Variants in LYN observed in about 807,000 individuals in gnomAD.
LYN encodes LYN proto-oncogene, Src family tyrosine kinase, also known as tyrosine-protein kinase Lyn.
In LYN, 12 loss-of-function variants were observed where a neutral mutation model predicts 65.0. The ratio of observed to expected loss-of-function variants is 0.18; its 90% confidence interval spans 0.12 to 0.30. The LOEUF (loss-of-function observed/expected upper bound fraction) is 0.30, where lower values mean the gene tolerates loss of function less well. Among genes scored for constraint, LYN ranks in the 10% least tolerant of loss-of-function variants. LYN has a pLI of 1.00. For synonymous variants in LYN, 222 were observed against 221.2 expected, an observed-to-expected ratio of 1.00 and a Z score of -0.03; for missense variants, 380 against 623.2, an observed-to-expected ratio of 0.61 and a Z score of 4.16.
chr8:55,903,215 ACTCCTCAC>A (rs1417695271), intron 1 of LYN, among the ~76,000 whole-genome samples: 1 of 151,328 alleles, frequency 6.6e-6, no homozygotes. Context: ...CTGGTCTCGA[ACTCCTCAC>A]CTCAAGTGAT....
chr8:55,913,236 AAT>A (rs1395748928), intron 1 of LYN, among the ~76,000 whole-genome samples: 1 of 152,200 alleles, frequency 6.6e-6, no homozygotes, highest in African/African-American at 2.4e-5. Context: ...TTGAAATATA[AAT>A]AGTTTTAAAG....
At chr8:55,881,064 T>A (rs559167699) in intron 1 of LYN, among the ~76,000 whole-genome samples, 4 of 152,232 alleles carry the variant, frequency 2.6e-5, no homozygotes, top group African/African-American at 4.8e-5. Context: ...AGTTTCTTCA[T>A]CTTTGAGAGA....
At chr8:55,999,608 A>C in intron 12 of LYN, 59 bp downstream of exon 12, 2 of 1,521,164 alleles carry the variant, frequency 1.3e-6, no homozygotes, top group South Asian at 1.1e-5. Context: ...GTCAGGTTGC[A>C]TGAAGGCATT....
chr8:55,928,751 A>G (rs971764889), intron 1 of LYN, among the ~76,000 whole-genome samples: 5 of 152,222 alleles, frequency 3.3e-5, no homozygotes, highest in African/African-American at 4.8e-5. Flanking sequence ...AGTTCAATTT[A>G]TAATTTTTTC....
At chr8:55,882,733 C>G (rs1336819241) in intron 1 of LYN, among the ~76,000 whole-genome samples, 3 of 152,154 alleles carry the variant, frequency 2.0e-5, no homozygotes, top group African/African-American at 7.2e-5. Flanking sequence ...TTCCTGAACT[C>G]TAATTTCATT....
At chr8:55,919,922 G>A (rs1563510834) in intron 1 of LYN, among the ~76,000 whole-genome samples, 1 of 151,208 alleles carries the variant, frequency 6.6e-6, no homozygotes, top group Non-Finnish European at 1.5e-5. Flanking sequence ...GGGAGTGGGG[G>A]TGGGAGCTTT....
intron 1 of LYN, among the ~76,000 whole-genome samples, chr8:55,927,266 T>C (rs1806133537): frequency 6.6e-6 from 1 of 152,184 alleles, no homozygotes. Flanking sequence ...TCCCGAAACC[T>C]CTGGCAACCA....
chr8:55,984,482 T>C (rs750347203), intron 10 of LYN, among the ~76,000 whole-genome samples: 1 of 152,240 alleles, frequency 6.6e-6, no homozygotes, highest in Non-Finnish European at 1.5e-5. Context: ...AGCTGTCAGA[T>C]CCCAACACTC....
At chr8:55,888,749 G>A (rs1396935276) in intron 1 of LYN, among the ~76,000 whole-genome samples, 1 of 152,014 alleles carries the variant, frequency 6.6e-6, no homozygotes, top group Non-Finnish European at 1.5e-5. Context: ...GTTTTGTTTT[G>A]TTTTTGAGAC....
chr8:55,951,888 A>T, intron 6 of LYN, 78 bp from the exon 7 acceptor site: 1 of 1,136,306 alleles, frequency 8.8e-7, no homozygotes, highest in Non-Finnish European at 1.3e-6. Context: ...TGTATCACAA[A>T]ATGTGTACTG....
intron 12 of LYN, among the ~76,000 whole-genome samples, chr8:56,002,194 C>T (rs376252093): frequency 0.015 from 2,267 of 152,086 alleles, 57 homozygotes; most frequent in African/African-American, 0.045. Flanking sequence ...ACTTTGTGGG[C>T]GGATCACAAG....
chr8:56,003,988 A>G (rs1808605295), intron 12 of LYN, among the ~76,000 whole-genome samples: 1 of 132,862 alleles, frequency 7.5e-6, no homozygotes, highest in Non-Finnish European at 1.5e-5. Context: ...GCTGGAGTGC[A>G]ATGGCGCCAT....
rs561422628 is a variant in LYN at position 55,897,855 on chromosome 8, G to A, written c.-6+17752G>A. 6.6e-5 allele frequency among the ~76,000 whole-genome samples: 10 copies of A among 152,266 alleles called. No homozygotes were observed. The South Asian group carries it at 2.1e-3, about 32-fold the overall frequency. On this transcript the variant is annotated intron_variant, in intron 1 of 12. Transcript: ENST00000519728. Reference sequence around the variant, plus strand: ...TTGAGCCTGAGAGGTGGAGGCTGCAGTGAGTCGAGATCGCGCCACTGTACT... The same window carrying A: ...TTGAGCCTGAGAGGTGGAGGCTGCAATGAGTCGAGATCGCGCCACTGTACT...
chr8:55,966,718 A>G lies in LYN; in HGVS notation c.794A>G (p.Tyr265Cys), dbSNP rs1265583163. ...AGQFGEVWMG[Y>C]YNNSTKVAVK... ...CCGCCTTCTTTTTTCTTCCTAGGTT[A>G]CTATAACAACAGTACCAAGGTGGCT... The change falls in exon 9 of 13, where the codon TAC (tyrosine) becomes TGC (cysteine). Residue 265 changes from tyrosine (Y) to cysteine (C), a missense_variant. Transcript: ENST00000519728. The G allele has an allele frequency of 6.2e-7, 1 of 1,610,754 alleles. No homozygotes were observed. Among genetic ancestry groups the G allele is most frequent in the Non-Finnish European group, 8.5e-7 (1 of 1,178,922 alleles).
intron 1 of LYN, among the ~76,000 whole-genome samples, chr8:55,899,544 C>T (rs1362128537): frequency 6.6e-6 from 1 of 152,178 alleles, no homozygotes; most frequent in Non-Finnish European, 1.5e-5. Context: ...TGAGTGCACA[C>T]GGTATGTCAT....
chr8:55,991,364 T>A (rs114337099), intron 10 of LYN, among the ~76,000 whole-genome samples: 1 of 152,268 alleles, frequency 6.6e-6, no homozygotes, highest in African/African-American at 2.4e-5. Flanking sequence ...AAGCCCTGAC[T>A]TATGGAAGGC....
chr8:55,881,688 A>G (rs903177804), intron 1 of LYN, among the ~76,000 whole-genome samples: 12 of 152,218 alleles, frequency 7.9e-5, no homozygotes, highest in African/African-American at 2.9e-4. Context: ...GGCCTCTTCC[A>G]TCATTTAATA....
intron 1 of LYN, among the ~76,000 whole-genome samples, chr8:55,932,045 G>C (rs964862895): frequency 6.6e-6 from 1 of 152,126 alleles, no homozygotes; most frequent in Non-Finnish European, 1.5e-5. Context: ...GGTGAAATTA[G>C]GATGTGTTAA....
chr8:55,934,146 A>G (rs1021199344), intron 1 of LYN, among the ~76,000 whole-genome samples: 1 of 152,172 alleles, frequency 6.6e-6, no homozygotes, highest in Non-Finnish European at 1.5e-5. Context: ...GAATCGCTTG[A>G]ACCCAGGAGG....
Sources: allele counts gnomAD v4.1 joint callset (sites outside exome capture counted in the v4.1 genomes callset), GRCh38; gene constraint gnomAD v4.1.1; transcripts MANE v1.5; gene names NCBI Gene and HGNC (gene_info 2026-07-23, HGNC 2026-07-21).